Variants in FABP9 observed in about 807,000 individuals in gnomAD.
FABP9 encodes fatty acid binding protein 9.
A neutral mutation model predicts 14.7 loss-of-function variants in FABP9; 11 were observed. That is an observed-to-expected ratio of 0.75 (90% CI 0.47 to 1.24). FABP9 has a LOEUF of 1.24. FABP9 is among the 50% of genes most tolerant of loss of function. FABP9 has a pLI of 0.00. For synonymous variants in FABP9, 54 were observed against 50.6 expected, an observed-to-expected ratio of 1.07 and a Z score of -0.29; for missense variants, 171 against 158.2, an observed-to-expected ratio of 1.08 and a Z score of -0.44.
Position 81,458,680 on chromosome 8 carries a change from G to A in FABP9, c.270C>T (p.Gly90=). ...KVKSTITLEN[G]SMIHVQKWLG... The stretch of plus-strand genomic sequence containing the variant: ...GCCATTTTTGGACGTGAATCATTGA[G>A]CCATTCTCTAATGTTATGGTGCTCT... The change falls in exon 3 of 4, where the codon GGC becomes GGT. Residue 90 remains glycine, a synonymous_variant. Coordinates refer to ENST00000379071, the MANE Select transcript of FABP9 (RefSeq NM_001080526.2). 3.1e-6 allele frequency: 5 copies of A among 1,613,424 alleles called. No individual in the cohort carries two copies. Among genetic ancestry groups the A allele is most frequent in the Non-Finnish European group, 4.2e-6 (5 of 1,179,636 alleles).
intron 2 of FABP9, 111 bp downstream of exon 2, chr8:81,459,054 A>G (rs955734190): frequency 1.0e-6 from 1 of 953,460 alleles, no homozygotes; most frequent in African/African-American, 1.7e-5. Flanking sequence ...TGCGACTATT[A>G]ACAGAACAAG....
At chr8:81,460,303 G>A (rs72684457) in intron 1 of FABP9, among the ~76,000 whole-genome samples, 8,548 of 152,166 alleles carry the variant, frequency 0.056, 261 homozygotes, top group Middle Eastern at 0.11. Flanking sequence ...CCCAGCCAGC[G>A]GATGTTTTAA....
chr8:81,460,031 G>C (rs528841143), intron 1 of FABP9, among the ~76,000 whole-genome samples: 1 of 151,586 alleles, frequency 6.6e-6, no homozygotes, highest in African/African-American at 2.4e-5. Context: ...ACAGAGTCTC[G>C]CTATGTTGCC....
chr8:81,459,421 T>C, intron 1 of FABP9, 84 bp from the exon 2 acceptor site: 1 of 1,313,858 alleles, frequency 7.6e-7, no homozygotes. Context: ...ATGCTTACTT[T>C]ACCTATTTTG....
chr8:81,458,497 C>G (rs918108993), intron 3 of FABP9, 64 bp from the exon 4 acceptor site: 1 of 1,492,570 alleles, frequency 6.7e-7, no homozygotes. Context: ...CTGCCCCTTT[C>G]TCCTCAGACC....
At chr8:81,460,146 C>T (rs971302882) in intron 1 of FABP9, among the ~76,000 whole-genome samples, 4 of 152,076 alleles carry the variant, frequency 2.6e-5, no homozygotes, top group Admixed American at 2.6e-4. Flanking sequence ...ATTACAGGCA[C>T]ATGCCACCAT....
At position 81,458,719 on chromosome 8, in the gene FABP9, G is replaced by T. The variant is rs1554571214; in HGVS notation, c.247-16C>A. 6.4e-7 allele frequency: 1 copy of T among 1,560,374 alleles called. No homozygotes were observed. The highest frequency in any genetic ancestry group is 1.1e-5 in the South Asian group (1 of 89,148). On this transcript the variant is annotated splice_polypyrimidine_tract_variant and intron_variant, in intron 2 of 3. Transcript: ENST00000379071. ...TTATGGTGCTCTATAAATGCATAAA[G>T]AAATCAGAAGTAGCAACTCACTACC...
chr8:81,460,905 TG>T (rs1211600204), intron 1 of FABP9, among the ~76,000 whole-genome samples: 3 of 152,306 alleles, frequency 2.0e-5, no homozygotes, highest in African/African-American at 7.2e-5. Flanking sequence ...GAATATCCAG[TG>T]GTGAGACATT....
intron 1 of FABP9, among the ~76,000 whole-genome samples, chr8:81,459,635 C>T (rs1425991008): frequency 4.6e-5 from 7 of 152,110 alleles, no homozygotes; most frequent in Non-Finnish European, 8.8e-5. Context: ...TGGAGTGTTA[C>T]GATAACCTTG....
At chr8:81,458,778 TA>T in intron 2 of FABP9, 75 bp from the exon 3 acceptor site, 1 of 995,616 alleles carries the variant, frequency 1.0e-6, no homozygotes, top group Non-Finnish European at 1.5e-6. Context: ...ATCTACTTTT[TA>T]ATTTCTATTT....
intron 3 of FABP9, 78 bp from the exon 4 acceptor site, chr8:81,458,511 C>G (rs1394085958): frequency 2.7e-6 from 4 of 1,485,296 alleles, no homozygotes; most frequent in Non-Finnish European, 3.8e-6. Flanking sequence ...TCAGACCAAA[C>G]CCTTAATTCA....
Position 81,461,345 on chromosome 8 carries a change from G to A in FABP9, c.73+106C>T, listed in dbSNP as rs1807689370. 3.6e-6 allele frequency: 3 copies of A among 829,000 alleles called. No homozygotes were observed. In the East Asian group the frequency reaches 7.3e-5, roughly 20 times the overall value. The allele number at this position is 829,000 out of a possible 1,614,324, so 51.4% of individuals were successfully genotyped here. A position where few individuals can be genotyped will look rare whatever the true frequency, so the allele number is the denominator to read the frequency against. On this transcript the variant is annotated intron_variant, in intron 1 of 3. Coordinates refer to ENST00000379071, the MANE Select transcript of FABP9 (RefSeq NM_001080526.2). ...ACATTGTGTTAGTCTATATACCCTA[G>A]GATCACAAAAGGAAGATAATTGTAG...
rs762331002 is a variant in FABP9, at chr8:81,458,583, C to A, written c.348+19G>T. On this transcript the variant is annotated intron_variant, in intron 3 of 3. Coordinates refer to ENST00000379071, the MANE Select transcript of FABP9 (RefSeq NM_001080526.2). ...ATCAAATAGGAACATATAAAGACTT[C>A]AATTTAAAGAAAACTTACCACTACC... The A allele has an allele frequency of 5.1e-6, 8 of 1,576,960 alleles. No individual in the cohort carries two copies. The South Asian group carries it at 8.9e-5, about 18-fold the overall frequency.
Position 81,458,343 on chromosome 8 carries a change from C to T in FABP9, c.*40G>A, listed in dbSNP as rs753802535. 30 of 1,498,388 alleles carry T rather than the reference C, an allele frequency of 2.0e-5. No homozygotes were observed. Among genetic ancestry groups the T allele is most frequent in the Non-Finnish European group, 2.8e-5 (30 of 1,075,430 alleles). 92.8% of individuals were successfully genotyped at this position (1,498,388 alleles called of 1,614,324 possible). On this transcript the variant is annotated 3_prime_UTR_variant, in exon 4 of 4. Transcript: ENST00000379071. ...GGCATATCTTCTTCAGGTACCAGTT[C>T]CTTGTCAGTGAACAAGTTTTCATTG... is the stretch of plus-strand genomic sequence containing the variant.
chr8:81,459,198 A>G lies in FABP9; in HGVS notation c.213T>C (p.Phe71=). Residue 71 remains phenylalanine, a synonymous_variant, in exon 2 of 4, where the codon TTT becomes TTC. Coordinates refer to ENST00000379071, the MANE Select transcript of FABP9 (RefSeq NM_001080526.2). ...TKISFKLGEE[F]DETTADNRKV... is the part of the protein sequence containing the mutation. ...TCCGGTTGTCTGCTGTAGTTTCATC[A>G]AATTCTTCCCCCAGCTTGAAGGAGA... is the stretch of plus-strand genomic sequence containing the variant. 10 of 1,591,390 alleles carry G rather than the reference A, an allele frequency of 6.3e-6. No homozygotes were observed. The highest frequency in any genetic ancestry group is 8.5e-6 in the Non-Finnish European group (10 of 1,172,378).
In FABP9 at chr8:81,458,624, A is replaced by G. The variant is rs780147239; in HGVS notation, c.326T>C (p.Ile109Thr). The change falls in exon 3 of 4, where the codon ATT (isoleucine) becomes ACT (threonine). Residue 109 changes from isoleucine to threonine, a missense_variant. Ile to Thr is a moderately conservative substitution (Grantham distance 89, BLOSUM62 -1). Transcript: ENST00000379071. The part of the protein sequence containing the change: ...LGKETTIKRK[I>T]VDEKMVVECK... Reference sequence around the variant, plus strand: ...TACCACTACCATTTTTTCATCCACAATTTTTCTTTTGATTGTTGTCTCTTT... The same window carrying G: ...TACCACTACCATTTTTTCATCCACAGTTTTTCTTTTGATTGTTGTCTCTTT... The G allele has an allele frequency of 3.7e-6, 6 of 1,613,256 alleles. No individual in the cohort carries two copies. In the South Asian group the frequency reaches 5.5e-5, roughly 15 times the overall value.
At position 81,459,168 on chromosome 8, in the gene FABP9, T is replaced by C; in HGVS notation, c.243A>G (p.Val81=). 6.3e-7 allele frequency: 1 copy of C among 1,588,702 alleles called. No homozygotes were observed. The highest frequency in any genetic ancestry group is 8.5e-7 in the Non-Finnish European group (1 of 1,172,006). The change falls in exon 2 of 4, where the codon GTA becomes GTG. Residue 81 remains valine, a synonymous_variant. Transcript: ENST00000379071. Reference sequence around the variant, plus strand: ...ACCAGGAAGAATTAGTTCTGACCTTTACTTTCCGGTTGTCTGCTGTAGTTT... The same window carrying C: ...ACCAGGAAGAATTAGTTCTGACCTTCACTTTCCGGTTGTCTGCTGTAGTTT... ...FDETTADNRK[V]KSTITLENGS...
Position 81,461,565 on chromosome 8 carries a change from C to T in FABP9, c.-42G>A, listed in dbSNP as rs752092747. The T allele has an allele frequency of 6.8e-7, 1 of 1,470,304 alleles. No homozygotes were observed. The highest frequency in any genetic ancestry group is 1.1e-5 in the South Asian group (1 of 88,114). 91.1% of individuals were successfully genotyped at this position (1,470,304 alleles called of 1,614,324 possible). A position where few individuals can be genotyped will look rare whatever the true frequency, so the allele number is the denominator to read the frequency against. On this transcript the variant is annotated 5_prime_UTR_variant, in exon 1 of 4. Transcript: ENST00000379071. The stretch of plus-strand genomic sequence containing the variant: ...AGAAGAGCCACTCGTAATTGAAAAC[C>T]AAAGAAATATAGGCATTACGGTGCT...
chr8:81,458,590 A>G lies in FABP9; in HGVS notation c.348+12T>C, dbSNP rs1277469078. Reference sequence around the variant, plus strand: ...AGGAACATATAAAGACTTCAATTTAAAGAAAACTTACCACTACCATTTTTT... The same window carrying G: ...AGGAACATATAAAGACTTCAATTTAGAGAAAACTTACCACTACCATTTTTT... On this transcript the variant is annotated intron_variant, in intron 3 of 3. Coordinates refer to ENST00000379071, the MANE Select transcript of FABP9 (RefSeq NM_001080526.2). 6.3e-7 allele frequency: 1 copy of G among 1,596,004 alleles called. No individual in the cohort carries two copies.
Sources: allele counts gnomAD v4.1 joint callset (sites outside exome capture counted in the v4.1 genomes callset), GRCh38; gene constraint gnomAD v4.1.1; transcripts MANE v1.5; gene names NCBI Gene and HGNC (gene_info 2026-07-23, HGNC 2026-07-21).